The following FLACC1 variants were observed in gnomAD, a reference collection of about 807,000 sequenced individuals.
FLACC1 encodes flagellum associated containing coiled-coil domains 1, also known as flagellum-associated coiled-coil domain-containing protein 1.
FLACC1 carries 66 observed loss-of-function variants against 62.8 expected under a neutral mutation model. The ratio of observed to expected loss-of-function variants is 1.05; its 90% CI spans 0.86 to 1.29. The LOEUF is 1.29. Among genes scored for constraint, FLACC1 ranks in the 50% most tolerant of loss-of-function variants. The pLI, the probability that FLACC1 is intolerant of heterozygous loss-of-function variation, is 0.00. For missense variants in FLACC1, 452 were observed against 489.1 expected (o/e 0.92, Z 0.71); for synonymous variants, 156 against 161.0 (o/e 0.97, Z 0.24).
At chr2:201,299,553 G>A (rs1384771658) in intron 11 of FLACC1, among the ~76,000 whole-genome samples, 2 of 152,116 alleles carry the variant, frequency 1.3e-5, no homozygotes, top group Non-Finnish European at 2.9e-5. Flanking sequence ...TTAAGTCAGT[G>A]GATAGATTCA....
chr2:201,348,197 C>T (rs1950955758), intron 4 of FLACC1, 57 bp downstream of exon 4: 1 of 1,544,676 alleles, frequency 6.5e-7, no homozygotes, highest in Non-Finnish European at 8.9e-7. Context: ...CCCATGCTTG[C>T]ACATAGTAGG....
intron 9 of FLACC1, among the ~76,000 whole-genome samples, chr2:201,323,061 A>C (rs573850031): frequency 6.6e-6 from 1 of 152,310 alleles, no homozygotes; most frequent in African/African-American, 2.4e-5. Flanking sequence ...GAATAAAAAG[A>C]AATGAACAAA....
At chr2:201,363,367 TGA>T in the FLACC1 span, among the ~76,000 whole-genome samples, 1 of 152,070 alleles carries the variant, frequency 6.6e-6, no homozygotes, top group South Asian at 2.1e-4. Flanking sequence ...ACTAGCAGCC[TGA>T]GTGCCCTACC....
In FLACC1 at chr2:201,301,542, CA is replaced by C. The variant is rs1267595423; in HGVS notation, c.880-2243del. On this transcript the variant is annotated intron_variant, in intron 11 of 14. Coordinates refer to ENST00000392257, the MANE Select transcript of FLACC1 (RefSeq NM_001127391.3). ...ATCCAGGAGAACTTCCCCAACCTAG[CA>C]AGGCAGGCCAACATTCAAATTCAGG... Among the ~76,000 whole-genome samples, 13 of 146,630 alleles carry C rather than the reference CA, an allele frequency of 8.9e-5. No homozygotes were observed. In the East Asian group the frequency reaches 2.6e-3, roughly 29 times the overall value.
chr2:201,347,364 G>A (rs575969502), intron 4 of FLACC1, among the ~76,000 whole-genome samples: 1 of 152,178 alleles, frequency 6.6e-6, no homozygotes, highest in Non-Finnish European at 1.5e-5. Flanking sequence ...CCTGCCTGAC[G>A]GCCCCAGGCC....
intron 11 of FLACC1, among the ~76,000 whole-genome samples, chr2:201,304,518 A>G (rs866502059): frequency 2.0e-4 from 30 of 152,330 alleles, no homozygotes; most frequent in African/African-American, 6.3e-4. Flanking sequence ...AAGGTAATTT[A>G]CAGATTCAAT....
At chr2:201,305,510 G>A (rs982305239) in intron 11 of FLACC1, among the ~76,000 whole-genome samples, 19 of 152,344 alleles carry the variant, frequency 1.2e-4, no homozygotes, top group African/African-American at 4.6e-4. Flanking sequence ...TTCAACCATT[G>A]TGGAAGACAG....
At chr2:201,292,432 C>A (rs923867087) in intron 12 of FLACC1, among the ~76,000 whole-genome samples, 6 of 152,150 alleles carry the variant, frequency 3.9e-5, no homozygotes, top group African/African-American at 1.4e-4. Flanking sequence ...AACTAAGCTT[C>A]ATGATTGAAG....
At chr2:201,362,191 A>C (rs771423063), upstream of FLACC1, among the ~76,000 whole-genome samples, 18 of 152,350 alleles carry the variant, frequency 1.2e-4, no homozygotes, top group East Asian at 5.8e-4. Flanking sequence ...AAACACATCC[A>C]CTAGTAGTCA....
At chr2:201,290,616 G>A (rs1350330414) in intron 12 of FLACC1, among the ~76,000 whole-genome samples, 2 of 152,176 alleles carry the variant, frequency 1.3e-5, no homozygotes, top group Non-Finnish European at 2.9e-5. Flanking sequence ...TGCAGAAGAC[G>A]TATGATTTCT....
intron 7 of FLACC1, among the ~76,000 whole-genome samples, chr2:201,339,490 T>C (rs58426286): frequency 0.031 from 4,691 of 152,230 alleles, 203 homozygotes; most frequent in African/African-American, 0.093. Flanking sequence ...AGGTGCATTA[T>C]TAGATTGTTT....
Position 201,354,900 on chromosome 2 carries a change from T to A in FLACC1, c.-48+2082A>T, listed in dbSNP as rs554835160. On this transcript the variant is annotated intron_variant, in intron 1 of 14. Coordinates refer to ENST00000392257, the MANE Select transcript of FLACC1 (RefSeq NM_001127391.3). Reference sequence around the variant, plus strand: ...CCTCCACTAAGCCTTGCAAAGTGGCTTGTCCACAACGGGCATTTGATGAAT... The same window carrying A: ...CCTCCACTAAGCCTTGCAAAGTGGCATGTCCACAACGGGCATTTGATGAAT... Among the ~76,000 whole-genome samples, 3 of 152,276 alleles carry A rather than the reference T, an allele frequency of 2.0e-5. No individual in the cohort carries two copies. In the East Asian group the frequency reaches 5.8e-4, roughly 29 times the overall value.
chr2:201,320,251 T>C (rs1950379240), intron 9 of FLACC1, among the ~76,000 whole-genome samples: 1 of 152,220 alleles, frequency 6.6e-6, no homozygotes, highest in Non-Finnish European at 1.5e-5. Context: ...GGTTTCATGA[T>C]ATAACCTTAG....
intron 4 of FLACC1, among the ~76,000 whole-genome samples, chr2:201,347,347 C>G (rs1400112693): frequency 2.6e-5 from 4 of 152,180 alleles, no homozygotes; most frequent in Admixed American, 1.3e-4. Flanking sequence ...CCTCCTCTCT[C>G]CACACCCCTG....
chr2:201,333,673 C>A (rs370206837), intron 7 of FLACC1, among the ~76,000 whole-genome samples: 1 of 150,906 alleles, frequency 6.6e-6, no homozygotes, highest in Non-Finnish European at 1.5e-5. Flanking sequence ...TTTGTCCTTG[C>A]GATAGTTTGC....
rs1421194943 is a variant in FLACC1, at chr2:201,357,249, A to G, written c.-315T>C. 6.6e-6 allele frequency: 1 copy of G among 152,268 alleles called. No individual in the cohort carries two copies. Among genetic ancestry groups the G allele is most frequent in the Non-Finnish European group, 1.5e-5 (1 of 68,044 alleles). The allele number at this position is 152,268 out of a possible 1,614,324, so 9.4% of individuals were successfully genotyped here. A position where few individuals can be genotyped will look rare whatever the true frequency, so the allele number is the denominator to read the frequency against. ...GCACAAACATGAATTTCCCTTCTAAAGACAAAACAGTTGAAGTTTCTCAGT... is the reference window on the plus strand; with the variant it reads ...GCACAAACATGAATTTCCCTTCTAAGGACAAAACAGTTGAAGTTTCTCAGT... On this transcript the variant is annotated 5_prime_UTR_variant, in exon 1 of 15. Coordinates refer to ENST00000392257, the MANE Select transcript of FLACC1 (RefSeq NM_001127391.3).
intron 9 of FLACC1, among the ~76,000 whole-genome samples, chr2:201,325,504 A>C (rs934572333): frequency 1.3e-5 from 2 of 152,300 alleles, no homozygotes; most frequent in East Asian, 1.9e-4. Flanking sequence ...ACAGAACCAC[A>C]GAGATACAAA....
In FLACC1 at chr2:201,328,888, TCTTCTTTTTCA is replaced by T. The variant is rs978975222; in HGVS notation, c.675+1571_675+1581del. 3.2e-4 allele frequency among the ~76,000 whole-genome samples: 49 copies of T among 152,320 alleles called. 1 individual carries two copies. The highest frequency in any genetic ancestry group is 1.1e-3 in the African/African-American group (46 of 41,574). On this transcript the variant is annotated intron_variant, in intron 9 of 14. Transcript: ENST00000392257. The stretch of plus-strand genomic sequence containing the variant: ...GTTTTTCAACATTCTAAATGGAATT[TCTTCTTTTTCA>T]CTTCTTTTTTTAATGTCAGTTTAAT...
rs1414808124 is a variant in FLACC1 at position 201,357,151 on chromosome 2, T to A, written c.-217A>T. Reference sequence around the variant, plus strand: ...GTGGTTGAAATGCCGAAGGAGAAAATTCACAGTATATGTACTGCGGGAAGA... The same window carrying A: ...GTGGTTGAAATGCCGAAGGAGAAAAATCACAGTATATGTACTGCGGGAAGA... On this transcript the variant is annotated 5_prime_UTR_variant, in exon 1 of 15. Coordinates refer to ENST00000392257, the MANE Select transcript of FLACC1 (RefSeq NM_001127391.3). The A allele has an allele frequency of 2.6e-5, 4 of 152,294 alleles. No individual in the cohort carries two copies. In the South Asian group the frequency reaches 6.2e-4, roughly 24 times the overall value. The allele number at this position is 152,294 out of a possible 1,614,324, so 9.4% of individuals were successfully genotyped here.
Sources: gnomAD v4.1 joint callset for allele counts (sites outside exome capture counted in the v4.1 genomes callset) on GRCh38, gnomAD v4.1.1 for gene constraint, MANE v1.5 for transcripts, NCBI Gene and HGNC (gene_info 2026-07-23, HGNC 2026-07-21) for gene names.